VAMP8: variants seen among roughly 807,000 people sequenced by gnomAD.
The protein encoded by VAMP8 is vesicle-associated membrane protein 8.
In VAMP8, 9 loss-of-function variants were observed where a neutral mutation model predicts 11.4. That is an observed-to-expected ratio of 0.79 (90% CI 0.48 to 1.38). VAMP8 has a LOEUF of 1.38. VAMP8 is among the 40% of genes most tolerant of loss of function. The pLI, the probability that VAMP8 is intolerant of heterozygous loss-of-function variation, is 0.00. For synonymous variants in VAMP8, 42 were observed against 44.7 expected (o/e 0.94, Z 0.24); for missense variants, 108 against 127.8 (o/e 0.85, Z 0.75).
At chr2:85,579,917 T>C in intron 2 of VAMP8, 3 of 1,530,716 alleles carry the variant, frequency 2.0e-6, no homozygotes, top group Non-Finnish European at 2.6e-6. Context: ...CCTGTTTCTG[T>C]AGCTTAATTG....
At chr2:85,578,445 C>T (rs1271494330) in intron 1 of VAMP8, among the ~76,000 whole-genome samples, 1 of 152,176 alleles carries the variant, frequency 6.6e-6, no homozygotes, top group African/African-American at 2.4e-5. Flanking sequence ...CGGCTCCAGG[C>T]GCCTTCTGGG....
At chr2:85,579,249 G>A (rs1161304718) in intron 2 of VAMP8, 82 bp downstream of exon 2, 2 of 1,430,350 alleles carry the variant, frequency 1.4e-6, no homozygotes, top group Non-Finnish European at 1.9e-6. Flanking sequence ...TGGACAGGAG[G>A]GCCAGAAGTT....
At chr2:85,579,926 TG>T (rs1672341849) in intron 2 of VAMP8, 2 of 1,516,990 alleles carry the variant, frequency 1.3e-6, no homozygotes, top group Admixed American at 4.7e-5. Flanking sequence ...GTAGCTTAAT[TG>T]TAGCTTAATT....
At position 85,581,727 on chromosome 2, in the gene VAMP8, A is replaced by G. The variant is rs750786954; in HGVS notation, c.*11A>G. 15 of 1,613,940 alleles carry G rather than the reference A, an allele frequency of 9.3e-6. No individual in the cohort carries two copies. Among genetic ancestry groups the G allele is most frequent in the East Asian group, 2.2e-5 (1 of 44,860 alleles). On this transcript the variant is annotated 3_prime_UTR_variant, in exon 3 of 3. Transcript: ENST00000263864. ...GGTGCCTTCTCTTAAGTAACAGGGAACCTCTCCCACCTGCCCTTCTCTTCA... is the reference window on the plus strand; with the variant it reads ...GGTGCCTTCTCTTAAGTAACAGGGAGCCTCTCCCACCTGCCCTTCTCTTCA...
intron 2 of VAMP8, among the ~76,000 whole-genome samples, chr2:85,580,340 C>T (rs1160039870): frequency 6.6e-6 from 1 of 152,094 alleles, no homozygotes; most frequent in Admixed American, 6.6e-5. Context: ...ACTTCCAACC[C>T]TCTATCCTGT....
In VAMP8 at chr2:85,579,133, A is replaced by G. The variant is rs748551620; in HGVS notation, c.128A>G (p.His43Arg). 2.5e-6 allele frequency: 4 copies of G among 1,608,458 alleles called. No individual in the cohort carries two copies. The highest frequency in any genetic ancestry group is 8.5e-7 in the Non-Finnish European group (1 of 1,176,782). ...RILARGENLE[H>R]LRNKTEDLEA... ...CTGGCCCGGGGGGAAAACTTGGAAC[A>G]TCTCCGCAACAAGACAGAGGATCTG... Residue 43 changes from histidine to arginine, a missense_variant, in exon 2 of 3, where the codon CAT becomes CGT. His to Arg is a conservative substitution (Grantham distance 29, BLOSUM62 0). Transcript: ENST00000263864.
Position 85,581,801 on chromosome 2 carries a change from T to C in VAMP8, c.*85T>C. 6.4e-7 allele frequency: 1 copy of C among 1,562,098 alleles called. No homozygotes were observed. The highest frequency in any genetic ancestry group is 2.2e-5 in the East Asian group (1 of 44,594). On this transcript the variant is annotated 3_prime_UTR_variant, in exon 3 of 3. Coordinates refer to ENST00000263864, the MANE Select transcript of VAMP8 (RefSeq NM_003761.5). Reference sequence around the variant, plus strand: ...GCCAAGAGGGTCTCCTTTCCTGTCTTCCTCTACAGAGAATGCTGCTCGGTC... The same window carrying C: ...GCCAAGAGGGTCTCCTTTCCTGTCTCCCTCTACAGAGAATGCTGCTCGGTC...
chr2:85,581,793 T>A lies in VAMP8; in HGVS notation c.*77T>A, dbSNP rs1672383982. On this transcript the variant is annotated 3_prime_UTR_variant, in exon 3 of 3. Transcript: ENST00000263864. ...AAATGTGTGCCAAGAGGGTCTCCTT[T>A]CCTGTCTTCCTCTACAGAGAATGCT... is the stretch of plus-strand genomic sequence containing the variant. 8 of 1,576,228 alleles carry A rather than the reference T, an allele frequency of 5.1e-6. No individual in the cohort carries two copies. The African/African-American group carries it at 8.1e-5, about 16-fold the overall frequency.
At position 85,581,834 on chromosome 2, in the gene VAMP8, C is replaced by A; in HGVS notation, c.*118C>A. The stretch of plus-strand genomic sequence containing the variant: ...AGAGAATGCTGCTCGGTCCTCCTAC[C>A]CCTCTTCCCGAGGCCCTGCTGCCAT... On this transcript the variant is annotated 3_prime_UTR_variant, in exon 3 of 3. Coordinates refer to ENST00000263864, the MANE Select transcript of VAMP8 (RefSeq NM_003761.5). 7.1e-7 allele frequency: 1 copy of A among 1,409,490 alleles called. No homozygotes were observed. The highest frequency in any genetic ancestry group is 1.3e-5 in the South Asian group (1 of 75,138). 87.3% of individuals were successfully genotyped at this position (1,409,490 alleles called of 1,614,324 possible). A position where few individuals can be genotyped will look rare whatever the true frequency, so the allele number is the denominator to read the frequency against.
At chr2:85,581,127 G>A (rs1672370380) in intron 2 of VAMP8, among the ~76,000 whole-genome samples, 1 of 152,140 alleles carries the variant, frequency 6.6e-6, no homozygotes, top group South Asian at 2.1e-4. Context: ...GCTGCAGTGA[G>A]CTGAGATTGT....
chr2:85,578,613 G>C (rs1030730439), intron 1 of VAMP8, among the ~76,000 whole-genome samples: 9 of 152,296 alleles, frequency 5.9e-5, no homozygotes, highest in Non-Finnish European at 8.8e-5. Flanking sequence ...AATCAGGAAA[G>C]GGGGGTGGCT....
At position 85,579,045 on chromosome 2, in the gene VAMP8, C is replaced by G. The variant is rs749565473; in HGVS notation, c.40C>G (p.Arg14Gly). 2.5e-6 allele frequency: 4 copies of G among 1,607,292 alleles called. No homozygotes were observed. Among genetic ancestry groups the G allele is most frequent in the South Asian group, 1.1e-5 (1 of 89,844 alleles). ...ASEGGGNDRV[R>G]NLQSEVEGVK... ...TGAAGGTGGAGGAAATGATCGTGTG[C>G]GGAACCTGCAAAGTGAGGTGGAGGG... The change falls in exon 2 of 3, where the codon CGG (arginine) becomes GGG (glycine). Residue 14 changes from arginine (R) to glycine (G), a missense_variant. Coordinates refer to ENST00000263864, the MANE Select transcript of VAMP8 (RefSeq NM_003761.5).
At position 85,581,715 on chromosome 2, in the gene VAMP8, A is replaced by G. The variant is rs1429760852; in HGVS notation, c.302A>G (p.Ter101=). The G allele has an allele frequency of 5.0e-6, 8 of 1,613,978 alleles. No homozygotes were observed. In the Admixed American group the frequency reaches 1.3e-4, roughly 27 times the overall value. The change falls in exon 3 of 3, where the codon TAA becomes TGA. Residue 101 remains the stop codon, a stop_retained_variant. Coordinates refer to ENST00000263864, the MANE Select transcript of VAMP8 (RefSeq NM_003761.5). ...IVLFATGAFS[*] Reference sequence around the variant, plus strand: ...CTCTTTGCCACTGGTGCCTTCTCTTAAGTAACAGGGAACCTCTCCCACCTG... The same window carrying G: ...CTCTTTGCCACTGGTGCCTTCTCTTGAGTAACAGGGAACCTCTCCCACCTG...
rs1011 is a variant in VAMP8, at chr2:85,581,613, G to A, written c.200G>A (p.Arg67Gln). The change falls in exon 3 of 3, where the codon CGA (arginine) becomes CAA (glutamine). Residue 67 changes from arginine (R) to glutamine (Q), a missense_variant. Arg to Gln is a conservative substitution (Grantham distance 43). Transcript: ENST00000263864. ...AAGACGACATCGCAGAAGGTGGCTC[G>A]AAAATTCTGGTGGAAGAACGTGAAG... ...HFKTTSQKVA[R>Q]KFWWKNVKMI... The A allele has an allele frequency of 9.3e-6, 15 of 1,614,028 alleles. No individual in the cohort carries two copies. The highest frequency in any genetic ancestry group is 3.3e-5 in the South Asian group (3 of 91,084).
intron 1 of VAMP8, among the ~76,000 whole-genome samples, chr2:85,578,375 G>A (rs955193243): frequency 4.6e-5 from 7 of 152,170 alleles, no homozygotes; most frequent in African/African-American, 1.4e-4. Flanking sequence ...ATAAGCAGGC[G>A]GTTGCTTGGT....
rs1156475070 is a variant in VAMP8 at position 85,581,863 on chromosome 2, G to T, written c.*147G>T. On this transcript the variant is annotated 3_prime_UTR_variant, in exon 3 of 3. Transcript: ENST00000263864. ...CTTCCCGAGGCCCTGCTGCCATGTTGTATGCCCCAGAAGGTACCTTGGTCC... is the reference window on the plus strand; with the variant it reads ...CTTCCCGAGGCCCTGCTGCCATGTTTTATGCCCCAGAAGGTACCTTGGTCC... 9.3e-7 allele frequency: 1 copy of T among 1,075,318 alleles called. No individual in the cohort carries two copies. Among genetic ancestry groups the T allele is most frequent in the African/African-American group, 1.6e-5 (1 of 62,860 alleles). 66.6% of individuals were successfully genotyped at this position (1,075,318 alleles called of 1,614,324 possible). A position where few individuals can be genotyped will look rare whatever the true frequency, so the allele number is the denominator to read the frequency against.
At chr2:85,578,292 G>A (rs780973672) in intron 1 of VAMP8, among the ~76,000 whole-genome samples, 15 of 152,148 alleles carry the variant, frequency 9.9e-5, no homozygotes, top group Non-Finnish European at 1.8e-4. Context: ...CCTCCGAGAT[G>A]AGACATCAGC....
chr2:85,579,054 C>CA lies in VAMP8; in HGVS notation c.52dup (p.Ser18LysfsTer2), dbSNP rs771816128. 1.2e-6 allele frequency: 2 copies of CA among 1,608,394 alleles called. No homozygotes were observed. Among genetic ancestry groups the CA allele is most frequent in the South Asian group, 2.2e-5 (2 of 89,978 alleles). On this transcript the variant is annotated frameshift_variant, in exon 2 of 3. Transcript: ENST00000263864. LOFTEE classifies it high-confidence loss of function. Reference sequence around the variant, plus strand: ...AGGAAATGATCGTGTGCGGAACCTGCAAAGTGAGGTGGAGGGAGTTAAGAA... The same window carrying CA: ...AGGAAATGATCGTGTGCGGAACCTGCAAAAGTGAGGTGGAGGGAGTTAAGAA...
chr2:85,579,279 C>A, intron 2 of VAMP8, 112 bp downstream of exon 2: 1 of 1,282,408 alleles, frequency 7.8e-7, no homozygotes, highest in Non-Finnish European at 1.1e-6. Flanking sequence ...TGTTGCCTTT[C>A]ACCTGGTTTG....
Sources: gnomAD v4.1 joint callset for allele counts (sites outside exome capture counted in the v4.1 genomes callset) on GRCh38, gnomAD v4.1.1 for gene constraint, MANE v1.5 for transcripts, NCBI Gene and HGNC (gene_info 2026-07-23, HGNC 2026-07-21) for gene names.